KLHL13: variants seen among roughly 807,000 people sequenced by gnomAD.
The protein encoded by KLHL13 is kelch-like protein 13.
In KLHL13, 10 loss-of-function variants were observed where a neutral mutation model predicts 37.1. That is an observed-to-expected ratio of 0.27 (90% CI 0.17 to 0.46). KLHL13 has a LOEUF of 0.46. Ranked by LOEUF, KLHL13 falls within the 20% of genes least tolerant of loss-of-function variation. The pLI is 1.00. For missense variants in KLHL13, 360 were observed against 509.3 expected, an observed-to-expected ratio of 0.71 and a Z score of 2.82; for synonymous variants, 163 against 181.2, an observed-to-expected ratio of 0.90 and a Z score of 0.81.
intron 1 of KLHL13, chrX:117,947,699 T>A (rs895881687): frequency 8.9e-6 from 1 of 112,166 alleles, no homozygotes; most frequent in African/African-American, 3.2e-5. Context: ...GTTTTATCAG[T>A]ATCTTTTGAC....
intron 1 of KLHL13, among the ~76,000 whole-genome samples, chrX:118,001,453 T>G (rs774183755): frequency 8.9e-6 from 1 of 112,178 alleles, no homozygotes; most frequent in African/African-American, 3.2e-5. Context: ...CCTACAACTC[T>G]AATCCAAATC....
At chrX:118,032,956 G>A (rs1003736576) in intron 1 of KLHL13, among the ~76,000 whole-genome samples, 4 of 111,689 alleles carry the variant, frequency 3.6e-5, no homozygotes, top group Non-Finnish European at 7.5e-5. Flanking sequence ...AGAAGCCTCA[G>A]GAGCCGATGC....
upstream of KLHL13, among the ~76,000 whole-genome samples, chrX:117,975,221 C>G (rs368957219): frequency 9.0e-6 from 1 of 110,727 alleles, no homozygotes; most frequent in South Asian, 3.8e-4. Context: ...CATGTATGAA[C>G]ACATCAAGTT....
At chrX:117,955,769 G>A (rs867124352) in intron 1 of KLHL13, among the ~76,000 whole-genome samples, 6 of 111,079 alleles carry the variant, frequency 5.4e-5, no homozygotes, top group Middle Eastern at 9.2e-3. Context: ...CACCATTAAG[G>A]GTTTTTTTCC....
At chrX:118,088,330 T>C (rs1569313364) in intron 1 of KLHL13, among the ~76,000 whole-genome samples, 1 of 112,139 alleles carries the variant, frequency 8.9e-6, no homozygotes, top group Non-Finnish European at 1.9e-5. Context: ...CAATAATGTA[T>C]ACGTTAATCA....
At chrX:118,099,660 T>TA (rs1343856048) in intron 1 of KLHL13, among the ~76,000 whole-genome samples, 5 of 109,778 alleles carry the variant, frequency 4.6e-5, no homozygotes, top group South Asian at 3.9e-4. Context: ...ATAAAAATTT[T>TA]AAAAAAAATT....
chrX:117,957,998 T>G lies in KLHL13; in HGVS notation c.99-12423A>C, dbSNP rs997577111. Among the ~76,000 whole-genome samples the G allele has an allele frequency of 3.6e-5, 4 of 111,891 alleles. No individual in the cohort carries two copies. In the South Asian group the frequency reaches 1.5e-3, roughly 41 times the overall value. On this transcript the variant is annotated intron_variant, in intron 1 of 6. Transcript: ENST00000262820. The stretch of plus-strand genomic sequence containing the variant: ...ATGACTAAAGTATTTTGGTCACTAG[T>G]AGATTGCTTCTAGTAAAATTACTTT...
chrX:118,044,468 A>G (rs1315646959), intron 1 of KLHL13, among the ~76,000 whole-genome samples: 5 of 108,925 alleles, frequency 4.6e-5, no homozygotes, highest in Non-Finnish European at 9.5e-5. Flanking sequence ...GAAGAATCAC[A>G]TTACCTCACC....
At chrX:117,903,722 A>G (rs1357360772) in intron 5 of KLHL13, among the ~76,000 whole-genome samples, 1 of 111,132 alleles carries the variant, frequency 9.0e-6, no homozygotes, top group Non-Finnish European at 1.9e-5. Context: ...AAGCTTTTAG[A>G]AGTAATTAAA....
At chrX:118,021,053 A>C (rs1447406727) in intron 1 of KLHL13, among the ~76,000 whole-genome samples, 1 of 101,819 alleles carries the variant, frequency 9.8e-6, no homozygotes, top group Non-Finnish European at 2.0e-5. Context: ...ATGACGAGTT[A>C]GTGGGTGCAG....
At chrX:118,092,889 C>A (rs1469247779) in intron 1 of KLHL13, among the ~76,000 whole-genome samples, 1 of 111,917 alleles carries the variant, frequency 8.9e-6, no homozygotes, top group Non-Finnish European at 1.9e-5. Flanking sequence ...TCTGTACTAT[C>A]TTTGCAAGTT....
chrX:118,096,519 A>G (rs2055208230), intron 1 of KLHL13, among the ~76,000 whole-genome samples: 3 of 111,783 alleles, frequency 2.7e-5, no homozygotes, highest in African/African-American at 9.8e-5. Flanking sequence ...AGCTGGTACC[A>G]TTCCTTCCGA....
intron 2 of KLHL13, among the ~76,000 whole-genome samples, chrX:117,942,549 T>C (rs1033763480): frequency 4.5e-5 from 5 of 111,897 alleles, no homozygotes; most frequent in Non-Finnish European, 7.5e-5. Flanking sequence ...TAGTTACCTC[T>C]TCTTGTTGCA....
rs1471652732 is a variant in KLHL13 at position 118,074,868 on chromosome X, G to A, written c.-56+41640C>T. Among the ~76,000 whole-genome samples, 3 of 111,510 alleles carry A rather than the reference G, an allele frequency of 2.7e-5. No individual in the cohort carries two copies. In the East Asian group the frequency reaches 8.5e-4, roughly 31 times the overall value. On this transcript the variant is annotated intron_variant, in intron 1 of 6. Transcript: ENST00000371882. Reference sequence around the variant, plus strand: ...CTCCCGAAGTGTTCCCTTCCCTTCTGGAGATTCACTACTTATATTGAGAGT... The same window carrying A: ...CTCCCGAAGTGTTCCCTTCCCTTCTAGAGATTCACTACTTATATTGAGAGT...
intron 2 of KLHL13, among the ~76,000 whole-genome samples, chrX:117,935,561 G>A (rs1050120559): frequency 3.6e-5 from 4 of 111,957 alleles, no homozygotes; most frequent in Non-Finnish European, 7.5e-5. Context: ...GGCTGTGGAA[G>A]CCTCAGAAAA....
At chrX:117,994,055 T>C (rs769961072) in intron 1 of KLHL13, among the ~76,000 whole-genome samples, 36 of 111,309 alleles carry the variant, frequency 3.2e-4, no homozygotes, top group South Asian at 1.5e-3. Flanking sequence ...TATTAAGTAA[T>C]TTTTCTCCCT....
chrX:118,085,834 T>C (rs188261046), intron 1 of KLHL13, among the ~76,000 whole-genome samples: 7,863 of 107,654 alleles, frequency 0.073, 253 homozygotes, highest in Middle Eastern at 0.13. Context: ...TGTGTGTGTG[T>C]GTGTGTGTAT....
chrX:117,984,022 G>A (rs1188698771), intron 1 of KLHL13, among the ~76,000 whole-genome samples: 1 of 111,788 alleles, frequency 8.9e-6, no homozygotes, highest in Admixed American at 9.5e-5. Flanking sequence ...GAGAACAGAT[G>A]GCTAATGTTC....
rs373115796 is a variant in KLHL13, at chrX:118,052,908, T to C, written c.-56+63600A>G. ...ATGAGTCACAAAATCTTTCTAAGGG[T>C]TGACACAAAACTTAGAGCCCATAAA... On this transcript the variant is annotated intron_variant, in intron 1 of 6. Coordinates refer to the KLHL13 transcript ENST00000371882. Among the ~76,000 whole-genome samples, 155 of 110,420 alleles carry C rather than the reference T, an allele frequency of 1.4e-3. 2 individuals carry two copies. Among genetic ancestry groups the C allele is most frequent in the African/African-American group, 5.0e-3 (151 of 30,380 alleles).
Sources: allele counts gnomAD v4.1 joint callset (sites outside exome capture counted in the v4.1 genomes callset), GRCh38; gene constraint gnomAD v4.1.1; transcripts MANE v1.5; gene names NCBI Gene and HGNC (gene_info 2026-07-23, HGNC 2026-07-21).